PITPNC1: variants seen among roughly 807,000 people sequenced by gnomAD.
PITPNC1 encodes cytoplasmic phosphatidylinositol transfer protein 1.
In PITPNC1, 18 loss-of-function variants were observed where a neutral mutation model predicts 44.7. The ratio of observed to expected loss-of-function variants is 0.40; its 90% CI spans 0.28 to 0.60. PITPNC1 has a LOEUF of 0.60. Among genes scored for constraint, PITPNC1 ranks in the 20% least tolerant of loss-of-function variants. The pLI, the probability that PITPNC1 is intolerant of heterozygous loss-of-function variation, is 0.39. For missense variants in PITPNC1, 290 were observed against 418.4 expected (o/e 0.69, Z 2.68); for synonymous variants, 141 against 149.6 (o/e 0.94, Z 0.42).
intron 1 of PITPNC1, among the ~76,000 whole-genome samples, chr17:67,489,706 C>T (rs1254971941): frequency 1.3e-5 from 2 of 152,108 alleles, no homozygotes; most frequent in East Asian, 1.9e-4. Flanking sequence ...TTCTCAATCC[C>T]TTTCATGCTG....
At chr17:67,431,960 C>A (rs751919291) in intron 1 of PITPNC1, among the ~76,000 whole-genome samples, 1 of 152,172 alleles carries the variant, frequency 6.6e-6, no homozygotes, top group Non-Finnish European at 1.5e-5. Flanking sequence ...GGACCACAGC[C>A]ATATTACCTC....
chr17:67,497,828 T>G (rs983971370), intron 1 of PITPNC1, among the ~76,000 whole-genome samples: 2 of 150,970 alleles, frequency 1.3e-5, no homozygotes, highest in African/African-American at 2.4e-5. Context: ...ATGCCCAGCC[T>G]GTTTAGGTTT....
intron 4 of PITPNC1, among the ~76,000 whole-genome samples, chr17:67,558,500 C>T (rs1414996933): frequency 6.6e-6 from 1 of 151,466 alleles, no homozygotes; most frequent in East Asian, 1.9e-4. Context: ...TTCAGATGAG[C>T]ATAAATCAGC....
intron 7 of PITPNC1, among the ~76,000 whole-genome samples, chr17:67,671,406 TAA>T (rs1005775049): frequency 5.9e-5 from 9 of 152,206 alleles, no homozygotes; most frequent in African/African-American, 2.2e-4. Context: ...TAAAAACTGA[TAA>T]GAGTAGCTTG....
chr17:67,515,144 A>T (rs1568022311), intron 1 of PITPNC1, among the ~76,000 whole-genome samples: 1 of 152,196 alleles, frequency 6.6e-6, no homozygotes, highest in Non-Finnish European at 1.5e-5. Flanking sequence ...CGCTGTTGCT[A>T]ACTGGAGCCC....
At position 67,578,090 on chromosome 17, in the gene PITPNC1, T is replaced by G. The variant is rs766332907; in HGVS notation, c.295-96T>G. 4 of 837,378 alleles carry G rather than the reference T, an allele frequency of 4.8e-6. No homozygotes were observed. In the East Asian group the frequency reaches 1.0e-4, roughly 21 times the overall value. 51.9% of individuals were successfully genotyped at this position (837,378 alleles called of 1,614,324 possible). On this transcript the variant is annotated intron_variant, in intron 4 of 8. Coordinates refer to ENST00000581322, the MANE Select transcript of PITPNC1 (RefSeq NM_012417.4). ...AACATTTCTGTTCCGGGACGGTGCT[T>G]GCAACCAAATGGCCAGGAAAGTATT...
At chr17:67,644,301 AAACTAACATTT>A (rs1165779379) in intron 6 of PITPNC1, among the ~76,000 whole-genome samples, 1 of 152,130 alleles carries the variant, frequency 6.6e-6, no homozygotes, top group African/African-American at 2.4e-5. Context: ...GTACTATAGA[AAACTAACATTT>A]AAGACTTTCA....
At chr17:67,509,091 G>A (rs377290690) in intron 1 of PITPNC1, among the ~76,000 whole-genome samples, 3 of 151,774 alleles carry the variant, frequency 2.0e-5, no homozygotes, top group South Asian at 2.1e-4. Context: ...AAAATTAACC[G>A]GGTGTGGTGG....
At chr17:67,441,038 G>T (rs2039005393) in intron 1 of PITPNC1, among the ~76,000 whole-genome samples, 1 of 152,096 alleles carries the variant, frequency 6.6e-6, no homozygotes, top group Admixed American at 6.6e-5. Context: ...CATCTGTCAG[G>T]GTTAACCTGG....
chr17:67,473,312 G>A (rs2039575088), intron 1 of PITPNC1, among the ~76,000 whole-genome samples: 1 of 151,830 alleles, frequency 6.6e-6, no homozygotes, highest in African/African-American at 2.4e-5. Context: ...GGGATTATAG[G>A]CGTGAGCCAC....
At chr17:67,640,251 G>C (rs1170590851) in intron 6 of PITPNC1, among the ~76,000 whole-genome samples, 3 of 152,118 alleles carry the variant, frequency 2.0e-5, no homozygotes. Context: ...GTCCCTGGTG[G>C]GAGCCTCTAA....
chr17:67,552,374 A>G, intron 3 of PITPNC1, 29 bp downstream of exon 3: 1 of 1,065,318 alleles, frequency 9.4e-7, no homozygotes, highest in Non-Finnish European at 1.5e-6. Flanking sequence ...CATATGGCAC[A>G]TGTAGTGAGT....
rs937381349 is a variant in PITPNC1, at chr17:67,683,892, C to G, written c.682+8350C>G. ...ACTCGGGAGGCTGAGGCGGGAGAAT[C>G]ACTTGAACCCGGGAGGCAGAGGTTG... On this transcript the variant is annotated intron_variant, in intron 8 of 8. Coordinates refer to ENST00000581322, the MANE Select transcript of PITPNC1 (RefSeq NM_012417.4). 2.0e-4 allele frequency among the ~76,000 whole-genome samples: 30 copies of G among 150,678 alleles called. 1 individual carries two copies. Among genetic ancestry groups the G allele is most frequent in the Admixed American group, 1.7e-3 (26 of 15,086 alleles).
chr17:67,480,761 A>G (rs1308669337), intron 1 of PITPNC1, among the ~76,000 whole-genome samples: 2 of 152,164 alleles, frequency 1.3e-5, no homozygotes, highest in Admixed American at 6.6e-5. Context: ...ATATTTTGCC[A>G]TCATTTTCAC....
chr17:67,495,692 T>C (rs1328170311), intron 1 of PITPNC1, among the ~76,000 whole-genome samples: 2 of 152,242 alleles, frequency 1.3e-5, no homozygotes, highest in East Asian at 3.8e-4. Flanking sequence ...GCTCCATCCA[T>C]GTTCTTGCAA....
rs994003932 is a variant in PITPNC1 at position 67,469,987 on chromosome 17, A to G, written c.49-62815A>G. Among the ~76,000 whole-genome samples, 3 of 152,164 alleles carry G rather than the reference A, an allele frequency of 2.0e-5. No homozygotes were observed. In the South Asian group the frequency reaches 6.2e-4, roughly 32 times the overall value. On this transcript the variant is annotated intron_variant, in intron 1 of 8. Transcript: ENST00000581322. ...ATCCAGGCTGGAGTGCAGTTGTGCA[A>G]TCTCAGCTCACTGTAACCTCCGCCT... is the stretch of plus-strand genomic sequence containing the variant.
chr17:67,488,381 C>T (rs1014353630), intron 1 of PITPNC1, among the ~76,000 whole-genome samples: 5 of 152,150 alleles, frequency 3.3e-5, no homozygotes, highest in South Asian at 2.1e-4. Flanking sequence ...CCCTGTGCCC[C>T]GGGGGAGTTA....
At chr17:67,659,392 C>T (rs934244822) in intron 6 of PITPNC1, among the ~76,000 whole-genome samples, 4 of 152,182 alleles carry the variant, frequency 2.6e-5, no homozygotes, top group Non-Finnish European at 4.4e-5. Flanking sequence ...GCATCTGAGA[C>T]CTGGTTGAGC....
chr17:67,490,112 CTGTGTGTGTG>C (rs71354073), intron 1 of PITPNC1, among the ~76,000 whole-genome samples: 12,407 of 144,882 alleles, frequency 0.086, 647 homozygotes, highest in Admixed American at 0.16. Flanking sequence ...ACAGGCTTTT[CTGTGTGTGTG>C]TGTGTGTGTG....
Sources: gnomAD v4.1 joint callset for allele counts (sites outside exome capture counted in the v4.1 genomes callset) on GRCh38, gnomAD v4.1.1 for gene constraint, MANE v1.5 for transcripts, NCBI Gene and HGNC (gene_info 2026-07-23, HGNC 2026-07-21) for gene names.